COL2A1: variants seen among roughly 807,000 people sequenced by gnomAD.
The protein encoded by COL2A1 is collagen type II alpha 1 chain.
In COL2A1, 28 loss-of-function variants were observed where a neutral mutation model predicts 204.5. The observed-to-expected ratio is 0.14, with a 90% CI of 0.10 to 0.19. COL2A1 has a LOEUF of 0.19. Among genes scored for constraint, COL2A1 ranks in the 10% least tolerant of loss-of-function variants. The pLI is 1.00. For missense variants in COL2A1, 1,388 were observed against 2,027.5 expected (o/e 0.68, Z 6.06); for synonymous variants, 708 against 718.7 (o/e 0.99, Z 0.24).
At chr12:48,000,297 T>C (rs964691867) in intron 1 of COL2A1, among the ~76,000 whole-genome samples, 172 bp from the exon 2 acceptor site, 6 of 152,246 alleles carry the variant, frequency 3.9e-5, no homozygotes, top group South Asian at 2.1e-4. Flanking sequence ...TAAAACATCA[T>C]TGATTTTTCC....
chr12:47,976,438 C>A lies in COL2A1; in HGVS notation c.3489+76G>T, dbSNP rs567527246. On this transcript the variant is annotated intron_variant, in intron 49 of 53. Coordinates refer to ENST00000380518, the MANE Select transcript of COL2A1 (RefSeq NM_001844.5). This position sits in a 1 kb window ranked among gnomAD's most constrained non-coding sequence, Gnocchi z 4.3. ...CCCACAGCTTCCCCAGAAGCAGCAG[C>A]ATTTCCCTCCCCATGGGAACACAGG... is the stretch of plus-strand genomic sequence containing the variant. 1 of 1,512,140 alleles carries A rather than the reference C, an allele frequency of 6.6e-7. No individual in the cohort carries two copies. Among genetic ancestry groups the A allele is most frequent in the South Asian group, 1.1e-5 (1 of 89,048 alleles). 93.7% of individuals were successfully genotyped at this position (1,512,140 alleles called of 1,614,324 possible).
chr12:47,993,023 A>G, intron 15 of COL2A1, 92 bp from the exon 16 acceptor site: 1 of 1,202,796 alleles, frequency 8.3e-7, no homozygotes, highest in African/African-American at 1.5e-5. Flanking sequence ...CGGATACCAG[A>G]GGAGAGGGAG....
intron 51 of COL2A1, 118 bp downstream of exon 51, chr12:47,975,199 G>T: frequency 7.7e-7 from 1 of 1,301,366 alleles, no homozygotes; most frequent in Non-Finnish European, 1.1e-6. Flanking sequence ...GGAACCCTCT[G>T]GCGGAAACTT....
Position 47,985,722 on chromosome 12 carries a change from A to G in COL2A1, c.1680+6T>C, listed in dbSNP as rs751929285. On this transcript the variant is annotated splice_donor_region_variant and intron_variant, in intron 25 of 53. Coordinates refer to ENST00000380518, the MANE Select transcript of COL2A1 (RefSeq NM_001844.5). ...AGCCAAGGGCAACAGCAGCTCTGCTACTTACCCGGGCTCCAGGAAGGCCAG... is the reference window on the plus strand; with the variant it reads ...AGCCAAGGGCAACAGCAGCTCTGCTGCTTACCCGGGCTCCAGGAAGGCCAG... 1 of 1,613,776 alleles carries G rather than the reference A, an allele frequency of 6.2e-7. No homozygotes were observed.
Position 47,978,076 on chromosome 12 carries a change from G to C in COL2A1, c.3045C>G (p.Asp1015Glu). Residue 1015 changes from aspartate to glutamate, a missense_variant, in exon 44 of 54, where the codon GAC becomes GAG. Transcript: ENST00000380518. This position sits in a 1 kb window ranked among gnomAD's most constrained non-coding sequence, Gnocchi z 5.5. ...GKQGAPGASG[D>E]RGPPGPVGPP... ...GACCCACGGGGCCAGGAGGACCTCT[G>C]TCTCCAGATGCTCCAGGAGCACCCT... is the stretch of plus-strand genomic sequence containing the variant. 2 of 1,613,854 alleles carry C rather than the reference G, an allele frequency of 1.2e-6. No individual in the cohort carries two copies. The highest frequency in any genetic ancestry group is 1.7e-6 in the Non-Finnish European group (2 of 1,180,010).
intron 44 of COL2A1, 72 bp downstream of exon 44, chr12:47,977,938 G>A: frequency 7.1e-7 from 1 of 1,411,168 alleles, no homozygotes; most frequent in Non-Finnish European, 9.9e-7. Flanking sequence ...ACTTGTCCTT[G>A]CTGACCCAGC....
chr12:47,990,653 C>T (rs3782915), intron 16 of COL2A1, among the ~76,000 whole-genome samples: 30,853 of 151,940 alleles, frequency 0.2, 3,344 homozygotes, highest in East Asian at 0.31. Context: ...GGGCAGGGCA[C>T]CAGCCACAGC....
In COL2A1 at chr12:47,997,641, G is replaced by C. The variant is rs1940023868; in HGVS notation, c.496C>G (p.Pro166Ala). 1 of 1,613,572 alleles carries C rather than the reference G, an allele frequency of 6.2e-7. No individual in the cohort carries two copies. The highest frequency in any genetic ancestry group is 1.1e-5 in the South Asian group (1 of 91,064). ...GTPGNPGPPG[P>A]PGPPGPPGLG... is the part of the protein sequence containing the mutation. The stretch of plus-strand genomic sequence containing the variant: ...CCAGGGGGACCAGGGGGGCCGGGAG[G>C]ACCAGGGGGGCCAGGATTTCCAGGG... The change falls in exon 7 of 54, where the codon CCT (proline) becomes GCT (alanine). Residue 166 changes from proline (P) to alanine (A), a missense_variant. Coordinates refer to ENST00000380518, the MANE Select transcript of COL2A1 (RefSeq NM_001844.5).
rs966539766 is a variant in COL2A1 at position 47,981,106 on chromosome 12, C to T, written c.2464-138G>A. 3.8e-5 allele frequency: 37 copies of T among 966,434 alleles called. No homozygotes were observed. In the African/African-American group the frequency reaches 3.9e-4, roughly 10 times the overall value. 59.9% of individuals were successfully genotyped at this position (966,434 alleles called of 1,614,324 possible). ...ATCTGAAAGCAGCCTTAGTCCTGAA[C>T]GCAGGCAGAGGCTCTGTTAACCCAA... is the stretch of plus-strand genomic sequence containing the variant. On this transcript the variant is annotated intron_variant, in intron 37 of 53. Coordinates refer to ENST00000380518, the MANE Select transcript of COL2A1 (RefSeq NM_001844.5).
chr12:47,985,443 G>A, intron 26 of COL2A1, 91 bp downstream of exon 26: 7 of 1,326,368 alleles, frequency 5.3e-6, no homozygotes, highest in South Asian at 2.4e-5. Flanking sequence ...AGTACTTCAG[G>A]CCTCCCTAAC....
chr12:47,973,122 CAG>C lies in COL2A1; in HGVS notation c.*283_*284del, dbSNP rs777110935. 41 of 609,330 alleles carry C rather than the reference CAG, an allele frequency of 6.7e-5. No individual in the cohort carries two copies. The highest frequency in any genetic ancestry group is 1.1e-4 in the Admixed American group (4 of 35,074). 37.7% of individuals were successfully genotyped at this position (609,330 alleles called of 1,614,324 possible). A position where few individuals can be genotyped will look rare whatever the true frequency, so the allele number is the denominator to read the frequency against. On this transcript the variant is annotated 3_prime_UTR_variant, in exon 54 of 54. Coordinates refer to ENST00000380518, the MANE Select transcript of COL2A1 (RefSeq NM_001844.5). ...CTGGCCTGGGCTGGGGGCAGTCACT[CAG>C]GGGGCATTTGACTCACACCAGTTAG...
intron 2 of COL2A1, 114 bp from the exon 3 acceptor site, chr12:47,998,545 G>A (rs1279506942): frequency 6.1e-6 from 7 of 1,147,852 alleles, no homozygotes; most frequent in Non-Finnish European, 7.6e-6. Context: ...CACAATCAAG[G>A]AAGGCGGCAG....
chr12:47,991,036 C>T (rs574293890), intron 16 of COL2A1, among the ~76,000 whole-genome samples: 11 of 152,344 alleles, frequency 7.2e-5, no homozygotes, highest in African/African-American at 2.2e-4. Context: ...TTTCTCCTAA[C>T]GGAGACTCTC....
rs781552802 is a variant in COL2A1 at position 47,985,615 on chromosome 12, G to A, written c.1681-28C>T. 3.1e-6 allele frequency: 5 copies of A among 1,613,494 alleles called. 1 individual carries two copies. The African/African-American group carries it at 6.7e-5, about 22-fold the overall frequency. On this transcript the variant is annotated intron_variant, in intron 25 of 53. Transcript: ENST00000380518. ...TTGTTCAGGAGAGAGAAGAGGGTGG[G>A]GTCAGGAGCCGGCCCCAGGACCTCC...
intron 1 of COL2A1, among the ~76,000 whole-genome samples, chr12:48,001,720 C>T (rs1327602480): frequency 6.6e-6 from 1 of 152,126 alleles, no homozygotes; most frequent in East Asian, 1.9e-4. Context: ...TCACAGACAC[C>T]GGGAGAGTGA....
chr12:48,002,616 C>T (rs1440371278), intron 1 of COL2A1: 1 of 152,194 alleles, frequency 6.6e-6, no homozygotes, highest in Non-Finnish European at 1.5e-5. Context: ...ACCCTAATAC[C>T]GGATGGAGAA....
At position 47,982,095 on chromosome 12, in the gene COL2A1, G is replaced by T. The variant is rs371211621; in HGVS notation, c.2355+12C>A. 1 of 1,612,466 alleles carries T rather than the reference G, an allele frequency of 6.2e-7. No individual in the cohort carries two copies. Among genetic ancestry groups the T allele is most frequent in the Non-Finnish European group, 8.5e-7 (1 of 1,178,626 alleles). ...CTAATGCCCAGCAGTCCAGCAGCCC[G>T]CATTCACTTACTCGTCCACCATCCT... On this transcript the variant is annotated intron_variant, in intron 35 of 53. Transcript: ENST00000380518.
intron 11 of COL2A1, 124 bp downstream of exon 11, chr12:47,995,131 T>C: frequency 1.2e-6 from 1 of 817,776 alleles, no homozygotes; most frequent in Non-Finnish European, 2.2e-6. Context: ...GGTTTGGGAC[T>C]GCCCAGTCTT....
intron 36 of COL2A1, 136 bp downstream of exon 36, chr12:47,981,640 C>A (rs1939091149): frequency 9.0e-7 from 1 of 1,108,952 alleles, no homozygotes; most frequent in Non-Finnish European, 1.3e-6. Context: ...TCTGAGAGGG[C>A]CCCCTCTTCA....
Sources: allele counts gnomAD v4.1 joint callset (sites outside exome capture counted in the v4.1 genomes callset), GRCh38; gene constraint gnomAD v4.1.1; non-coding constraint Gnocchi (gnomAD v3.1); transcripts MANE v1.5; gene names NCBI Gene and HGNC (gene_info 2026-07-23, HGNC 2026-07-21).